CAPZA2: variants seen among roughly 807,000 people sequenced by gnomAD.
The protein encoded by CAPZA2 is capping actin protein of muscle Z-line subunit alpha 2, also known as F-actin-capping protein subunit alpha-2.
CAPZA2 carries 13 observed loss-of-function variants against 44.0 expected under a neutral mutation model. That is an observed-to-expected ratio of 0.30 (90% CI 0.19 to 0.47). CAPZA2 has a LOEUF of 0.47. Among genes scored for constraint, CAPZA2 ranks in the 20% least tolerant of loss-of-function variants. The probability of loss-of-function intolerance (pLI) is 1.00; values close to 1 mark genes in which losing one functional copy is unlikely to be tolerated. For synonymous variants in CAPZA2, 94 were observed against 108.2 expected (o/e 0.87, Z 0.81); for missense variants, 244 against 338.6 (o/e 0.72, Z 2.19).
intron 6 of CAPZA2, chr7:116,909,732 A>G (rs1305013810): frequency 5.9e-6 from 1 of 169,346 alleles, no homozygotes; most frequent in African/African-American, 2.4e-5. Context: ...CACTGAGTGT[A>G]TTCATAAAAG....
At chr7:116,889,253 C>T (rs1401996987) in intron 2 of CAPZA2, among the ~76,000 whole-genome samples, 1 of 152,190 alleles carries the variant, frequency 6.6e-6, no homozygotes, top group Non-Finnish European at 1.5e-5. Context: ...AAATACATTA[C>T]TTTCAAGTAC....
At chr7:116,904,103 G>T in intron 4 of CAPZA2, 74 bp from the exon 5 acceptor site, 1 of 845,700 alleles carries the variant, frequency 1.2e-6, no homozygotes. Context: ...AAGCTTAAAT[G>T]AGTGTAATTA....
intron 1 of CAPZA2, among the ~76,000 whole-genome samples, chr7:116,878,793 A>G (rs1421196192): frequency 2.0e-5 from 3 of 152,300 alleles, no homozygotes; most frequent in Non-Finnish European, 4.4e-5. Flanking sequence ...CAAAGAAACT[A>G]ACATATAATC....
intron 1 of CAPZA2, among the ~76,000 whole-genome samples, chr7:116,871,647 G>A (rs1361806519): frequency 6.6e-6 from 1 of 152,194 alleles, no homozygotes. Flanking sequence ...TTTCAGTCTT[G>A]TTTGCCTTGT....
At chr7:116,868,071 G>C (rs545428485) in intron 1 of CAPZA2, among the ~76,000 whole-genome samples, 2 of 152,298 alleles carry the variant, frequency 1.3e-5, no homozygotes, top group African/African-American at 4.8e-5. Context: ...CATCTACTTT[G>C]AGTGTTGGTA....
chr7:116,904,698 G>T, intron 5 of CAPZA2: 1 of 194,270 alleles, frequency 5.1e-6, no homozygotes. Context: ...TTAGATCAAA[G>T]TTATTTTTAT....
rs533932532 is a variant in CAPZA2 at position 116,896,766 on chromosome 7, C to T, written c.156-2006C>T. Reference sequence around the variant, plus strand: ...TGCTTAGCTTATAGTAATAAGAGCTCAGTAAGTATTTGCATAGATGGAGGG... The same window carrying T: ...TGCTTAGCTTATAGTAATAAGAGCTTAGTAAGTATTTGCATAGATGGAGGG... On this transcript the variant is annotated intron_variant, in intron 3 of 9. Coordinates refer to ENST00000361183, the MANE Select transcript of CAPZA2 (RefSeq NM_006136.3). Among the ~76,000 whole-genome samples, 156 of 152,092 alleles carry T rather than the reference C, an allele frequency of 1.0e-3. 2 individuals carry two copies. Among genetic ancestry groups the T allele is most frequent in the South Asian group, 1.9e-3 (9 of 4,816 alleles).
intron 1 of CAPZA2, among the ~76,000 whole-genome samples, chr7:116,870,042 C>G (rs1268532533): frequency 6.6e-6 from 1 of 152,034 alleles, no homozygotes; most frequent in East Asian, 1.9e-4. Flanking sequence ...TTTCAATTAG[C>G]TAAAGCAAGT....
intron 1 of CAPZA2, among the ~76,000 whole-genome samples, chr7:116,869,643 A>G (rs937338061): frequency 6.6e-6 from 1 of 152,250 alleles, no homozygotes; most frequent in East Asian, 1.9e-4. Flanking sequence ...AGGCAAGGAT[A>G]TAGTTCAGTA....
At chr7:116,911,934 A>C (rs912158792) in intron 7 of CAPZA2, 135 bp from the exon 8 acceptor site, 6 of 1,454,772 alleles carry the variant, frequency 4.1e-6, no homozygotes, top group Middle Eastern at 2.1e-4. Context: ...CTGGAGTTCA[A>C]AAGTTTTGGG....
Position 116,882,208 on chromosome 7 carries a change from G to T in CAPZA2, c.40-5919G>T, listed in dbSNP as rs532650010. Among the ~76,000 whole-genome samples the T allele has an allele frequency of 6.6e-5, 10 of 152,268 alleles. No individual in the cohort carries two copies. The South Asian group carries it at 2.1e-3, about 32-fold the overall frequency. On this transcript the variant is annotated intron_variant, in intron 1 of 9. Coordinates refer to ENST00000361183, the MANE Select transcript of CAPZA2 (RefSeq NM_006136.3). ...TTACAAACAATGTAAATATCCTGTTGTTTTATTATTCTGCCCACCAACTTT... is the reference window on the plus strand; with the variant it reads ...TTACAAACAATGTAAATATCCTGTTTTTTTATTATTCTGCCCACCAACTTT...
chr7:116,921,626 G>A lies in CAPZA2; in HGVS notation c.*3759G>A, dbSNP rs775526854. ...GAACCCAGGAAGTGACAGTTACAAC[G>A]AGCGGAGACTGTGCCACTTCACTGC... On this transcript the variant is annotated 3_prime_UTR_variant, in exon 10 of 10. Transcript: ENST00000361183. The A allele has an allele frequency of 3.9e-5, 6 of 152,218 alleles. No homozygotes were observed. The highest frequency in any genetic ancestry group is 8.8e-5 in the Non-Finnish European group (6 of 68,074). 9.4% of individuals were successfully genotyped at this position (152,218 alleles called of 1,614,324 possible).
intron 2 of CAPZA2, among the ~76,000 whole-genome samples, chr7:116,889,268 T>C (rs1796801078): frequency 6.6e-6 from 1 of 152,262 alleles, no homozygotes; most frequent in Non-Finnish European, 1.5e-5. Flanking sequence ...AAGTACTATC[T>C]ATAAATGTGT....
At chr7:116,900,621 G>T (rs1187852472) in intron 4 of CAPZA2, among the ~76,000 whole-genome samples, 4 of 151,872 alleles carry the variant, frequency 2.6e-5, no homozygotes, top group Non-Finnish European at 4.4e-5. Context: ...ATACGATTAT[G>T]AAGAAAATAG....
intron 1 of CAPZA2, among the ~76,000 whole-genome samples, chr7:116,877,662 T>G (rs1346265827): frequency 6.6e-6 from 1 of 152,238 alleles, no homozygotes; most frequent in Non-Finnish European, 1.5e-5. Flanking sequence ...TAGTAAGCAG[T>G]GGAGCTGTAG....
intron 5 of CAPZA2, 91 bp downstream of exon 5, chr7:116,904,474 C>T (rs1225863372): frequency 1.3e-6 from 1 of 747,676 alleles, no homozygotes; most frequent in Non-Finnish European, 2.3e-6. Context: ...ACAGAATTGA[C>T]ATTGTATAAT....
At chr7:116,864,996 G>C (rs370040666) in intron 1 of CAPZA2, among the ~76,000 whole-genome samples, 8 of 152,182 alleles carry the variant, frequency 5.3e-5, no homozygotes, top group African/African-American at 1.9e-4. Flanking sequence ...GCTTGGCTCA[G>C]TTAGATACAT....
rs539074525 is a variant in CAPZA2 at position 116,885,704 on chromosome 7, G to A, written c.40-2423G>A. On this transcript the variant is annotated intron_variant, in intron 1 of 9. Coordinates refer to ENST00000361183, the MANE Select transcript of CAPZA2 (RefSeq NM_006136.3). ...GCTTACTTACATTTACCAGTTTATT[G>A]TAAAGGATACAGATGAAGAGATGCA... Among the ~76,000 whole-genome samples, 7 of 152,204 alleles carry A rather than the reference G, an allele frequency of 4.6e-5. No homozygotes were observed. In the East Asian group the frequency reaches 1.4e-3, roughly 29 times the overall value.
At chr7:116,879,595 T>C (rs1280572059) in intron 1 of CAPZA2, among the ~76,000 whole-genome samples, 1 of 152,052 alleles carries the variant, frequency 6.6e-6, no homozygotes, top group Non-Finnish European at 1.5e-5. Flanking sequence ...CAGTTCACAA[T>C]AGGGTGTGCA....
Sources: gnomAD v4.1 joint callset for allele counts (sites outside exome capture counted in the v4.1 genomes callset) on GRCh38, gnomAD v4.1.1 for gene constraint, MANE v1.5 for transcripts, NCBI Gene and HGNC (gene_info 2026-07-23, HGNC 2026-07-21) for gene names.